The following DYSF variants were observed in gnomAD, a reference collection of about 807,000 sequenced individuals.
DYSF encodes dysferlin, also known as dystrophy-associated fer-1-like 1.
DYSF carries 212 observed loss-of-function variants against 274.9 expected under a neutral mutation model. That is an observed-to-expected ratio of 0.77 (90% CI 0.69 to 0.86). The LOEUF (loss-of-function observed/expected upper bound fraction) is 0.86, where lower values mean the gene tolerates loss of function less well. Among genes scored for constraint, DYSF ranks in the 40% least tolerant of loss-of-function variants. The pLI, the probability that DYSF is intolerant of heterozygous loss-of-function variation, is 0.00. For missense variants in DYSF, 2,666 were observed against 2,783.2 expected, an observed-to-expected ratio of 0.96 and a Z score of 0.95; for synonymous variants, 1,091 against 1,078.7, an observed-to-expected ratio of 1.01 and a Z score of -0.22.
At chr2:71,588,093 A>T (rs781739030) in intron 30 of DYSF, among the ~76,000 whole-genome samples, 1 of 152,236 alleles carries the variant, frequency 6.6e-6, no homozygotes, top group African/African-American at 2.4e-5. Flanking sequence ...GTGGAACAGC[A>T]TAAGCTTGCT....
Position 71,553,115 on chromosome 2 carries a change from C to A in DYSF, c.1911C>A (p.Asn637Lys). The change falls in exon 20 of 56, where the codon AAC (asparagine) becomes AAA (lysine). Residue 637 changes from asparagine (N) to lysine (K), a missense_variant. Physicochemically the swap from Asn to Lys is moderately conservative, Grantham distance 94. Around this residue, in one of 3 missense-constraint regions of DYSF, gnomAD observed 412 missense variants for 504.0 expected, o/e 0.82. Transcript: ENST00000410020. ...DAIQFEVSIGNYGNKFDMTCL... is the reference protein window; with the variant it reads ...DAIQFEVSIGKYGNKFDMTCL... ...TCCAGTTTGAGGTCAGCATCGGGAA[C>A]TACGGGAACAAGTTCGACATGACCT... 6.2e-7 allele frequency: 1 copy of A among 1,614,172 alleles called. No homozygotes were observed. Among genetic ancestry groups the A allele is most frequent in the Non-Finnish European group, 8.5e-7 (1 of 1,180,034 alleles).
At chr2:71,644,916 A>G (rs918310400) in intron 42 of DYSF, among the ~76,000 whole-genome samples, 1 of 152,182 alleles carries the variant, frequency 6.6e-6, no homozygotes, top group Admixed American at 6.5e-5. Context: ...GTTATGAAAC[A>G]GGAAAAGTTC....
chr2:71,641,242 A>T (rs1015947058), intron 41 of DYSF, among the ~76,000 whole-genome samples: 2 of 140,772 alleles, frequency 1.4e-5, no homozygotes, highest in African/African-American at 2.7e-5. Flanking sequence ...GCAGTGGCGC[A>T]ATCTCGGCTC....
At chr2:71,570,492 G>A (rs2092354546) in intron 28 of DYSF, 107 bp from the exon 29 acceptor site, 1 of 1,519,666 alleles carries the variant, frequency 6.6e-7, no homozygotes, top group African/African-American at 1.4e-5. Flanking sequence ...AGGACCGAGA[G>A]TCAGTGGCCG....
At chr2:71,456,422 G>A (rs1040699109) in intron 1 of DYSF, among the ~76,000 whole-genome samples, 5 of 152,020 alleles carry the variant, frequency 3.3e-5, no homozygotes, top group Non-Finnish European at 5.9e-5. Flanking sequence ...AGGCCTGCTC[G>A]CTCTCCTTCT....
intron 4 of DYSF, among the ~76,000 whole-genome samples, chr2:71,505,938 G>A (rs778148715): frequency 1.3e-4 from 20 of 152,330 alleles, no homozygotes; most frequent in Non-Finnish European, 2.9e-4. Context: ...AGGCGGGCAG[G>A]ACAGTGCTCA....
At position 71,570,328 on chromosome 2, in the gene DYSF, G is replaced by A; in HGVS notation, c.3079G>A (p.Glu1027Lys). 6.2e-7 allele frequency: 1 copy of A among 1,614,074 alleles called. No homozygotes were observed. Among genetic ancestry groups the A allele is most frequent in the Non-Finnish European group, 8.5e-7 (1 of 1,179,978 alleles). Reference sequence around the variant, plus strand: ...CACAGACCTCAACCGGGCTGTCGATGAGCAAGGTGGGCAGCATGTGGAACC... The same window carrying A: ...CACAGACCTCAACCGGGCTGTCGATAAGCAAGGTGGGCAGCATGTGGAACC... ...WSTDLNRAVD[E>K]QGWEYSITIP... is the part of the protein sequence containing the mutation. The change falls in exon 28 of 56, where the codon GAG (glutamate) becomes AAG (lysine). Residue 1027 changes from glutamate (E) to lysine (K), a missense_variant. Around this residue, in one of 3 missense-constraint regions of DYSF, gnomAD observed 1,460 missense variants for 1,502.1 expected, o/e 0.97. Transcript: ENST00000410020.
chr2:71,545,122 AGGGGAAGC>A lies in DYSF; in HGVS notation c.1576+5884_1576+5891del, dbSNP rs376146891. On this transcript the variant is annotated intron_variant, in intron 17 of 55. Coordinates refer to ENST00000410020, the MANE Select transcript of DYSF (RefSeq NM_001130987.2). ...AGGAGGAGGTGTCTTAGGCTGCCAG[AGGGGAAGC>A]CACCGGCACGTGAGGAGTAGGAAAG... Among the ~76,000 whole-genome samples the A allele has an allele frequency of 2.8e-4, 43 of 152,286 alleles. 1 individual carries two copies. The East Asian group carries it at 8.3e-3, about 29-fold the overall frequency.
At chr2:71,498,038 C>A (rs1210626644) in intron 3 of DYSF, among the ~76,000 whole-genome samples, 1 of 152,100 alleles carries the variant, frequency 6.6e-6, no homozygotes, top group Non-Finnish European at 1.5e-5. Context: ...TTTAGACCCC[C>A]AATAAAACTT....
chr2:71,496,919 C>T (rs1220558654), intron 3 of DYSF, among the ~76,000 whole-genome samples: 1 of 152,186 alleles, frequency 6.6e-6, no homozygotes. Context: ...CACTCATGGG[C>T]CTCTAAGATG....
At chr2:71,666,638 T>C (rs981940671) in intron 47 of DYSF, among the ~76,000 whole-genome samples, 2 of 152,212 alleles carry the variant, frequency 1.3e-5, no homozygotes, top group Admixed American at 1.3e-4. Flanking sequence ...TCCCCACCTG[T>C]AGCACCAGTT....
At chr2:71,575,172 G>T (rs1369635746) in intron 30 of DYSF, among the ~76,000 whole-genome samples, 2 of 152,140 alleles carry the variant, frequency 1.3e-5, no homozygotes, top group African/African-American at 2.4e-5. Flanking sequence ...GGACAGCCTG[G>T]CTTTGAAGGC....
chr2:71,502,965 G>A (rs959873989), intron 3 of DYSF, among the ~76,000 whole-genome samples: 2 of 152,132 alleles, frequency 1.3e-5, no homozygotes, highest in South Asian at 4.1e-4. Flanking sequence ...GGGTCAAGGT[G>A]GACCTTGGAG....
chr2:71,600,832 A>G lies in DYSF; in HGVS notation c.3887A>G (p.Gln1296Arg). The G allele has an allele frequency of 6.2e-7, 1 of 1,611,594 alleles. No individual in the cohort carries two copies. The highest frequency in any genetic ancestry group is 1.7e-4 in the Middle Eastern group (1 of 6,060). ...CTGCTGGCCTCTTTTGAGCTCATCC[A>G]GAGAGAGAAGGTGAGGCTGGTCTAT... ...GELLASFELI[Q>R]REKPAIHHIP... The change falls in exon 34 of 56, where the codon CAG becomes CGG. Residue 1296 changes from glutamine (Q) to arginine (R), a missense_variant. Coordinates refer to ENST00000410020, the MANE Select transcript of DYSF (RefSeq NM_001130987.2).
chr2:71,528,688 G>T (rs1312624141), intron 14 of DYSF, among the ~76,000 whole-genome samples: 2 of 152,212 alleles, frequency 1.3e-5, no homozygotes, highest in Non-Finnish European at 2.9e-5. Flanking sequence ...ACATTTGGGG[G>T]AAAATGGAGC....
intron 30 of DYSF, among the ~76,000 whole-genome samples, chr2:71,580,137 A>G (rs1345745507): frequency 6.6e-6 from 1 of 152,018 alleles, no homozygotes; most frequent in African/African-American, 2.4e-5. Context: ...GGGTGGGAGG[A>G]TTGGATGCTG....
intron 51 of DYSF, among the ~76,000 whole-genome samples, chr2:71,670,626 G>C (rs935943929): frequency 6.6e-6 from 1 of 152,198 alleles, no homozygotes; most frequent in Non-Finnish European, 1.5e-5. Context: ...GGCTGGATTT[G>C]GGGACCTCGG....
intron 30 of DYSF, among the ~76,000 whole-genome samples, chr2:71,575,342 G>A (rs986940132): frequency 2.0e-5 from 3 of 152,194 alleles, no homozygotes; most frequent in South Asian, 4.1e-4. Context: ...TATAGGAGAG[G>A]AAGCTCTCTG....
intron 29 of DYSF, 47 bp downstream of exon 29, chr2:71,570,788 G>A: frequency 6.2e-7 from 1 of 1,610,246 alleles, no homozygotes; most frequent in Non-Finnish European, 8.5e-7. Context: ...GGTCACAGGT[G>A]GCCAGTAGGC....
Sources: allele counts gnomAD v4.1 joint callset (sites outside exome capture counted in the v4.1 genomes callset), GRCh38; gene constraint gnomAD v4.1.1; regional missense constraint gnomAD v4.1.1; transcripts MANE v1.5; gene names NCBI Gene and HGNC (gene_info 2026-07-23, HGNC 2026-07-21).